The following ANKRD17 variants were observed in gnomAD, a reference collection of about 807,000 sequenced individuals.
ANKRD17 encodes the protein ankyrin repeat domain 17.
In ANKRD17, 19 loss-of-function variants were observed where a neutral mutation model predicts 229.7. That is an observed-to-expected ratio of 0.08 (90% CI 0.06 to 0.12). The LOEUF is 0.12. Ranked by LOEUF, ANKRD17 falls within the 10% of genes least tolerant of loss-of-function variation. The probability of loss-of-function intolerance (pLI) is 1.00; values close to 1 mark genes in which losing one functional copy is unlikely to be tolerated. For missense variants in ANKRD17, 2,176 were observed against 3,176.8 expected (o/e 0.68, Z 7.57); for synonymous variants, 1,112 against 1,146.1 (o/e 0.97, Z 0.60).
chr4:73,133,622 G>T (rs1728527766), intron 16 of ANKRD17, among the ~76,000 whole-genome samples: 1 of 152,116 alleles, frequency 6.6e-6, no homozygotes, highest in East Asian at 2.0e-4. Flanking sequence ...TCAAACTCCT[G>T]ACCTCAGGTG....
At chr4:73,145,779 G>C (rs1730194688) in intron 10 of ANKRD17, among the ~76,000 whole-genome samples, 1 of 152,056 alleles carries the variant, frequency 6.6e-6, no homozygotes, top group Non-Finnish European at 1.5e-5. Context: ...TGTCTCCCTT[G>C]TTAGACTTAG....
rs891546159 is a variant in ANKRD17 at position 73,157,858 on chromosome 4, G to C, written c.705-1692C>G. Among the ~76,000 whole-genome samples the C allele has an allele frequency of 2.0e-5, 3 of 152,158 alleles. No homozygotes were observed. In the South Asian group the frequency reaches 6.2e-4, roughly 31 times the overall value. On this transcript the variant is annotated intron_variant, in intron 3 of 33. Transcript: ENST00000358602. ...TAATCCCAGCACTTTGGGAGGCCGAGGCGGGCGGATCATGAGGTCAGGAGA... is the reference window on the plus strand; with the variant it reads ...TAATCCCAGCACTTTGGGAGGCCGACGCGGGCGGATCATGAGGTCAGGAGA...
intron 1 of ANKRD17, among the ~76,000 whole-genome samples, chr4:73,225,238 T>C (rs1470807177): frequency 1.3e-5 from 2 of 152,148 alleles, no homozygotes; most frequent in Non-Finnish European, 2.9e-5. Flanking sequence ...CTTCCTCAAA[T>C]TTTCCTCTAA....
At chr4:73,199,191 C>G (rs960215970) in intron 1 of ANKRD17, among the ~76,000 whole-genome samples, 1 of 150,904 alleles carries the variant, frequency 6.6e-6, no homozygotes, top group Admixed American at 6.6e-5. Context: ...GAACTGCTAC[C>G]CTAACAGGCT....
chr4:73,130,428 A>G (rs147561781), intron 16 of ANKRD17, among the ~76,000 whole-genome samples: 3 of 152,298 alleles, frequency 2.0e-5, no homozygotes, highest in Admixed American at 1.3e-4. Context: ...TGCAAAACCA[A>G]TAAGAATAGA....
intron 30 of ANKRD17, among the ~76,000 whole-genome samples, chr4:73,079,172 A>G (rs1359870700): frequency 2.6e-5 from 4 of 152,232 alleles, no homozygotes; most frequent in Non-Finnish European, 4.4e-5. Context: ...AGTAAAATGT[A>G]GCAAGCAATA....
intron 18 of ANKRD17, 102 bp from the exon 19 acceptor site, chr4:73,121,861 A>C: frequency 8.3e-7 from 1 of 1,210,516 alleles, no homozygotes; most frequent in Non-Finnish European, 1.1e-6. Flanking sequence ...CAATAAAAGA[A>C]GGGGAAAGTT....
chr4:73,258,777 C>T lies in ANKRD17; in HGVS notation c.-109G>A. On this transcript the variant is annotated 5_prime_UTR_variant, in exon 1 of 34. Coordinates refer to ENST00000358602, the MANE Select transcript of ANKRD17 (RefSeq NM_032217.5). ...CAGCAATCGGTGCCGCCTCCGCCGC[C>T]ACCGCCTCGGTCACCTCTACTGCCG... The T allele has an allele frequency of 6.6e-6, 9 of 1,358,126 alleles. No homozygotes were observed. In the South Asian group the frequency reaches 1.6e-4, roughly 24 times the overall value. 84.1% of individuals were successfully genotyped at this position (1,358,126 alleles called of 1,614,324 possible).
chr4:73,254,743 G>A (rs928360778), intron 1 of ANKRD17, among the ~76,000 whole-genome samples: 3 of 151,300 alleles, frequency 2.0e-5, no homozygotes, highest in Non-Finnish European at 4.4e-5. Flanking sequence ...ACTCCAGCCT[G>A]GGCAACAAGA....
At chr4:73,104,898 A>ATATG (rs376376869) in intron 24 of ANKRD17, among the ~76,000 whole-genome samples, 5 of 152,202 alleles carry the variant, frequency 3.3e-5, no homozygotes, top group African/African-American at 1.2e-4. Context: ...TGGGTCTTAG[A>ATATG]TATGTAAATT....
At chr4:73,251,061 A>G (rs1343512293) in intron 1 of ANKRD17, among the ~76,000 whole-genome samples, 3 of 152,144 alleles carry the variant, frequency 2.0e-5, no homozygotes, top group African/African-American at 7.2e-5. Context: ...ACTTGAAGCC[A>G]GGAGTTCAAG....
intron 29 of ANKRD17, among the ~76,000 whole-genome samples, chr4:73,088,836 GAGTTGGCAACCAAGAGCCAAATACCAA>G (rs1722478531): frequency 6.6e-6 from 1 of 151,906 alleles, no homozygotes; most frequent in Non-Finnish European, 1.5e-5. Context: ...CACAGATAAC[GAGTTGGCAACCAAGAGCCAAATACCAA>G]ATATTTTAGG....
chr4:73,189,326 G>C (rs1348449837), intron 1 of ANKRD17, among the ~76,000 whole-genome samples: 4 of 148,476 alleles, frequency 2.7e-5, no homozygotes, highest in Admixed American at 1.3e-4. Context: ...TCTTTTTTCT[G>C]TTTCTCTGTC....
At chr4:73,223,240 T>C (rs1010771394) in intron 1 of ANKRD17, 10 of 406,388 alleles carry the variant, frequency 2.5e-5, no homozygotes, top group African/African-American at 1.2e-4. Context: ...CAAAGCAAAC[T>C]TCTGTCAAGT....
Position 73,077,533 on chromosome 4 carries a change from T to C in ANKRD17, c.7409A>G (p.Asp2470Gly), listed in dbSNP as rs1721118591. 2.6e-6 allele frequency: 4 copies of C among 1,559,652 alleles called. No individual in the cohort carries two copies. Among genetic ancestry groups the C allele is most frequent in the African/African-American group, 2.8e-5 (2 of 72,384 alleles). Residue 2470 changes from aspartate (D) to glycine (G), a missense_variant and splice_region_variant, in exon 32 of 34, where the codon GAC becomes GGC. By Grantham distance (94) the Asp-to-Gly change is moderately conservative. Transcript: ENST00000358602. Reference protein sequence around the residue: ...WSFEGIGGNQDKVDWCNPGMG... With the variant: ...WSFEGIGGNQGKVDWCNPGMG... Reference sequence around the variant, plus strand: ...CCCAGGGTTACACCAGTCTACTTTGTCTGAGGGCAAACAAAGAGGCAAAAC... The same window carrying C: ...CCCAGGGTTACACCAGTCTACTTTGCCTGAGGGCAAACAAAGAGGCAAAAC...
chr4:73,142,824 T>C, intron 11 of ANKRD17, 57 bp from the exon 12 acceptor site: 2 of 1,541,220 alleles, frequency 1.3e-6, no homozygotes, highest in Non-Finnish European at 1.8e-6. Context: ...CTTAAAATTA[T>C]GGTAAATTTA....
chr4:73,228,412 T>C (rs1742719777), intron 1 of ANKRD17, among the ~76,000 whole-genome samples: 1 of 152,148 alleles, frequency 6.6e-6, no homozygotes, highest in Non-Finnish European at 1.5e-5. Flanking sequence ...ATTACCACTA[T>C]AGTTTATTTT....
intron 1 of ANKRD17, among the ~76,000 whole-genome samples, chr4:73,245,721 A>G (rs1744438059): frequency 6.6e-6 from 1 of 152,164 alleles, no homozygotes; most frequent in Non-Finnish European, 1.5e-5. Flanking sequence ...ATCCAAGACT[A>G]TTATTTCAGA....
intron 1 of ANKRD17, among the ~76,000 whole-genome samples, chr4:73,201,018 C>A (rs1738609045): frequency 2.1e-5 from 3 of 140,798 alleles, no homozygotes; most frequent in African/African-American, 5.5e-5. Context: ...AATCTCATCA[C>A]AATACTGCAT....
Sources: gnomAD v4.1 joint callset for allele counts (sites outside exome capture counted in the v4.1 genomes callset) on GRCh38, gnomAD v4.1.1 for gene constraint, MANE v1.5 for transcripts, NCBI Gene and HGNC (gene_info 2026-07-23, HGNC 2026-07-21) for gene names.